RFX3: variants seen among roughly 807,000 people sequenced by gnomAD.
RFX3 encodes transcription factor RFX3.
Under a neutral mutation model 98.6 loss-of-function variants are expected in RFX3, and 14 were observed. The observed-to-expected ratio is 0.14, with a 90% CI of 0.09 to 0.22. The LOEUF (loss-of-function observed/expected upper bound fraction) is 0.22. Among genes scored for constraint, RFX3 ranks in the 10% least tolerant of loss-of-function variants. The pLI is 1.00. For synonymous variants in RFX3, 383 were observed against 328.4 expected, an observed-to-expected ratio of 1.17 and a Z score of -1.80; for missense variants, 639 against 926.9, an observed-to-expected ratio of 0.69 and a Z score of 4.03.
chr9:3,524,990 G>A (rs553655710), intron 1 of RFX3, among the ~76,000 whole-genome samples: 7 of 148,250 alleles, frequency 4.7e-5, no homozygotes, highest in African/African-American at 1.8e-4. Context: ...GGGGTGTGTG[G>A]GGGGGGGGAG....
At chr9:3,339,642 A>G (rs1366914912) in intron 3 of RFX3, among the ~76,000 whole-genome samples, 2 of 152,232 alleles carry the variant, frequency 1.3e-5, no homozygotes, top group Admixed American at 1.3e-4. Flanking sequence ...TCCAGGTATT[A>G]GACAGAGAAC....
intron 6 of RFX3, among the ~76,000 whole-genome samples, chr9:3,290,103 T>C (rs1007377367): frequency 6.6e-6 from 1 of 152,046 alleles, no homozygotes; most frequent in African/African-American, 2.4e-5. Context: ...TCTGTCTTCA[T>C]AGCACTTCAT....
At chr9:3,329,417 AAAAAAAAAAAAC>A (rs1832320033) in intron 4 of RFX3, among the ~76,000 whole-genome samples, 1 of 149,914 alleles carries the variant, frequency 6.7e-6, no homozygotes, top group African/African-American at 2.5e-5. Flanking sequence ...CAAAAAAAAA[AAAAAAAAAAAAC>A]AAAAAACCAC....
At chr9:3,380,405 G>T (rs147089030) in intron 2 of RFX3, among the ~76,000 whole-genome samples, 1 of 152,054 alleles carries the variant, frequency 6.6e-6, no homozygotes, top group Non-Finnish European at 1.5e-5. Context: ...GTCATCTTCT[G>T]TTTACCTACC....
intron 13 of RFX3, among the ~76,000 whole-genome samples, chr9:3,260,357 C>T (rs1822710025): frequency 6.6e-6 from 1 of 151,882 alleles, no homozygotes; most frequent in Non-Finnish European, 1.5e-5. Flanking sequence ...TATCACTGAT[C>T]ATTAATATGC....
intron 2 of RFX3, among the ~76,000 whole-genome samples, chr9:3,349,692 A>G (rs914392304): frequency 6.6e-6 from 1 of 152,084 alleles, no homozygotes; most frequent in African/African-American, 2.4e-5. Flanking sequence ...ATGAATGTGT[A>G]TAGAAGTGCC....
chr9:3,505,263 T>C (rs1359718831), intron 1 of RFX3, among the ~76,000 whole-genome samples: 11 of 74,646 alleles, frequency 1.5e-4, no homozygotes, highest in African/African-American at 6.2e-4. Flanking sequence ...AATATATATT[T>C]ATATATATAT....
chr9:3,266,331 A>G, intron 11 of RFX3, 26 bp from the exon 12 acceptor site: 3 of 1,479,056 alleles, frequency 2.0e-6, no homozygotes, highest in Non-Finnish European at 2.8e-6. Context: ...TAAAAGCAGG[A>G]TAAAAAAAAG....
intron 2 of RFX3, among the ~76,000 whole-genome samples, chr9:3,391,913 C>T (rs919083188): frequency 6.6e-6 from 1 of 152,102 alleles, no homozygotes; most frequent in African/African-American, 2.4e-5. Flanking sequence ...GAATACCAAG[C>T]ATGGGTAATA....
At chr9:3,385,366 C>T (rs1049448457) in intron 2 of RFX3, among the ~76,000 whole-genome samples, 2 of 152,084 alleles carry the variant, frequency 1.3e-5, no homozygotes, top group Non-Finnish European at 2.9e-5. Flanking sequence ...ACTATGGAAT[C>T]AACTAAAGTA....
chr9:3,346,405 T>C (rs1834445622), intron 3 of RFX3, among the ~76,000 whole-genome samples: 2 of 152,162 alleles, frequency 1.3e-5, no homozygotes, highest in Admixed American at 1.3e-4. Flanking sequence ...ATACATTTTT[T>C]CTCTACATAG....
At chr9:3,463,051 T>C (rs1192042244) in intron 1 of RFX3, among the ~76,000 whole-genome samples, 1 of 152,078 alleles carries the variant, frequency 6.6e-6, no homozygotes, top group Admixed American at 6.6e-5. Context: ...TTTAAAAATG[T>C]ATATGAAAAT....
At chr9:3,370,160 C>T (rs2920359) in intron 2 of RFX3, among the ~76,000 whole-genome samples, 73,061 of 149,498 alleles carry the variant, frequency 0.49, 22,085 homozygotes, top group African/African-American at 0.85. Flanking sequence ...TTTTTTAAGA[C>T]TGCTGGTTAG....
At chr9:3,414,745 AGTATATATGAGTATATAT>A (rs1554700486) in intron 1 of RFX3, among the ~76,000 whole-genome samples, 5 of 37,464 alleles carry the variant, frequency 1.3e-4, no homozygotes, top group Non-Finnish European at 2.7e-4. Context: ...TGTATATATG[AGTATATATGAGTATATAT>A]GTATATATGA....
chr9:3,517,121 G>A (rs554738841), intron 1 of RFX3, among the ~76,000 whole-genome samples: 1 of 152,246 alleles, frequency 6.6e-6, no homozygotes, highest in South Asian at 2.1e-4. Flanking sequence ...CCAATTCCTG[G>A]CTCCATGTTA....
At chr9:3,267,885 T>C (rs1020380804) in intron 11 of RFX3, among the ~76,000 whole-genome samples, 2 of 151,916 alleles carry the variant, frequency 1.3e-5, no homozygotes, top group African/African-American at 4.8e-5. Flanking sequence ...TTTTCCATTT[T>C]TCCTACAATT....
intron 1 of RFX3, among the ~76,000 whole-genome samples, chr9:3,459,677 CT>C (rs1397965580): frequency 2.0e-5 from 3 of 152,046 alleles, no homozygotes; most frequent in Admixed American, 6.6e-5. Flanking sequence ...TTGCTCTTCC[CT>C]TTTTGTTCTG....
chr9:3,381,852 A>G (rs1391838582), intron 2 of RFX3, among the ~76,000 whole-genome samples: 1 of 152,208 alleles, frequency 6.6e-6, no homozygotes, highest in Non-Finnish European at 1.5e-5. Flanking sequence ...TTTACAAGAA[A>G]CAGCTTGGCC....
chr9:3,330,699 C>A (rs1251978017), intron 3 of RFX3, among the ~76,000 whole-genome samples, 182 bp from the exon 4 acceptor site: 1 of 152,106 alleles, frequency 6.6e-6, no homozygotes, highest in African/African-American at 2.4e-5. Flanking sequence ...AATTAAGGGG[C>A]CACTCATTTA....
Sources: allele counts gnomAD v4.1 joint callset (sites outside exome capture counted in the v4.1 genomes callset), GRCh38; gene constraint gnomAD v4.1.1; transcripts MANE v1.5; gene names NCBI Gene and HGNC (gene_info 2026-07-23, HGNC 2026-07-21).